Variants in PGPEP1L observed in about 807,000 individuals in gnomAD.
PGPEP1L encodes the protein pyroglutamyl-peptidase 1-like protein.
A neutral mutation model predicts 6.0 loss-of-function variants in PGPEP1L; 7 were observed. The observed-to-expected ratio is 1.17, with a 90% confidence interval of 0.66 to 2.19. The LOEUF is 2.19. Among genes scored for constraint, PGPEP1L ranks in the 30% most tolerant of loss-of-function variants. The pLI is 0.00. For synonymous variants in PGPEP1L, 103 were observed against 83.9 expected (o/e 1.23, Z -1.24); for missense variants, 209 against 192.5 (o/e 1.09, Z -0.51).
Position 99,007,388 on chromosome 15 carries a change from G to C in PGPEP1L, c.-399C>G, listed in dbSNP as rs1222799947. 6.6e-6 allele frequency: 1 copy of C among 152,348 alleles called. No individual in the cohort carries two copies. Among genetic ancestry groups the C allele is most frequent in the Non-Finnish European group, 1.5e-5 (1 of 68,176 alleles). The allele number at this position is 152,348 out of a possible 1,614,324, so 9.4% of individuals were successfully genotyped here. A position where few individuals can be genotyped will look rare whatever the true frequency, so the allele number is the denominator to read the frequency against. On this transcript the variant is annotated 5_prime_UTR_variant, in exon 1 of 5. Coordinates refer to ENST00000535714, the MANE Select transcript of PGPEP1L (RefSeq NM_001167902.2). ...TTCCGTCATGGTGTGTCCAGAATCGGCGGATTCTTGGTCTCACTGACTTCA... is the reference window on the plus strand; with the variant it reads ...TTCCGTCATGGTGTGTCCAGAATCGCCGGATTCTTGGTCTCACTGACTTCA...
rs758817067 is a variant in PGPEP1L, at chr15:98,971,195, G to C, written c.-141-37C>G. 15 of 225,156 alleles carry C rather than the reference G, an allele frequency of 6.7e-5. No individual in the cohort carries two copies. The East Asian group carries it at 2.3e-3, about 34-fold the overall frequency. 13.9% of individuals were successfully genotyped at this position (225,156 alleles called of 1,614,324 possible). On this transcript the variant is annotated intron_variant, in intron 2 of 4. Transcript: ENST00000535714. ...GGCAGGTGGACTTGCCTCAGTTGAT[G>C]GGGGGGGGGGGGGGGTGGGCACCAA... is the stretch of plus-strand genomic sequence containing the variant.
intron 2 of PGPEP1L, among the ~76,000 whole-genome samples, chr15:98,998,581 G>A (rs1230933931): frequency 1.3e-5 from 2 of 152,188 alleles, no homozygotes; most frequent in Non-Finnish European, 2.9e-5. Context: ...AACCAATGGT[G>A]TTAGAACAAT....
rs532170385 is a variant in PGPEP1L at position 99,006,029 on chromosome 15, G to C, written c.-369-373C>G. On this transcript the variant is annotated intron_variant, in intron 1 of 4. Coordinates refer to ENST00000535714, the MANE Select transcript of PGPEP1L (RefSeq NM_001167902.2). ...TGAAAACTAATTCCACAAAATATGT[G>C]AGATGTGAGCAGAAAAAAAAGAGAG... Among the ~76,000 whole-genome samples the C allele has an allele frequency of 1.2e-4, 19 of 152,292 alleles. No homozygotes were observed. In the East Asian group the frequency reaches 3.1e-3, roughly 25 times the overall value.
chr15:98,981,489 C>CAAAAAAAAAAAAA (rs769918543), intron 2 of PGPEP1L, among the ~76,000 whole-genome samples: 4 of 82,124 alleles, frequency 4.9e-5, no homozygotes, highest in African/African-American at 1.4e-4. Flanking sequence ...GACTCCGTCT[C>CAAAAAAAAAAAAA]AAAAAAAAAA....
At chr15:98,970,546 G>GT (rs200823606) in intron 3 of PGPEP1L, among the ~76,000 whole-genome samples, 12 of 143,892 alleles carry the variant, frequency 8.3e-5, no homozygotes, top group Non-Finnish European at 1.2e-4. Flanking sequence ...CTTGTTTGGG[G>GT]TTTTTTTTGG....
At chr15:99,001,767 G>C (rs960108346) in intron 2 of PGPEP1L, among the ~76,000 whole-genome samples, 3 of 152,100 alleles carry the variant, frequency 2.0e-5, no homozygotes, top group Non-Finnish European at 4.4e-5. Flanking sequence ...ACGTAGGCTG[G>C]AGTGCAGTGG....
At chr15:99,002,451 G>A (rs1555473153) in intron 2 of PGPEP1L, among the ~76,000 whole-genome samples, 1 of 152,036 alleles carries the variant, frequency 6.6e-6, no homozygotes, top group Non-Finnish European at 1.5e-5. Flanking sequence ...TCTTGATTGT[G>A]GTGGTGGTGA....
intron 2 of PGPEP1L, among the ~76,000 whole-genome samples, chr15:98,999,154 A>C (rs2017926319): frequency 6.6e-6 from 1 of 152,234 alleles, no homozygotes; most frequent in Non-Finnish European, 1.5e-5. Flanking sequence ...AAGAGGAGGA[A>C]GAGATAAGCT....
At chr15:98,983,795 T>C (rs933863811) in intron 2 of PGPEP1L, among the ~76,000 whole-genome samples, 2 of 152,200 alleles carry the variant, frequency 1.3e-5, no homozygotes, top group South Asian at 4.1e-4. Flanking sequence ...TGTGAACTTT[T>C]AGCATGTATA....
chr15:98,972,865 T>C (rs1390055702), intron 2 of PGPEP1L, among the ~76,000 whole-genome samples: 1 of 90,110 alleles, frequency 1.1e-5, no homozygotes, highest in Admixed American at 2.0e-4. Context: ...AGAGTGAGAC[T>C]CCGTCTCAAA....
chr15:98,984,187 ATT>A (rs1436910996), intron 2 of PGPEP1L, among the ~76,000 whole-genome samples: 2 of 151,668 alleles, frequency 1.3e-5, no homozygotes, highest in Non-Finnish European at 2.9e-5. Context: ...ATTTTTTTGT[ATT>A]TTAGCAGAGA....
chr15:98,976,477 C>G (rs567490470), intron 2 of PGPEP1L, among the ~76,000 whole-genome samples: 13 of 152,272 alleles, frequency 8.5e-5, no homozygotes, highest in African/African-American at 3.1e-4. Flanking sequence ...TTTCTCATAT[C>G]ACAACAATAA....
chr15:98,986,017 C>A (rs2017741716), intron 2 of PGPEP1L, among the ~76,000 whole-genome samples: 1 of 152,202 alleles, frequency 6.6e-6, no homozygotes, highest in African/African-American at 2.4e-5. Context: ...TCCTCAGATG[C>A]CTACAGTGCA....
chr15:99,004,056 T>C (rs868932714), intron 2 of PGPEP1L, among the ~76,000 whole-genome samples: 1 of 147,680 alleles, frequency 6.8e-6, no homozygotes, highest in East Asian at 1.9e-4. Context: ...CAGGAAACCC[T>C]GCCTCTTCAT....
chr15:98,989,959 C>CT (rs1396929032), intron 2 of PGPEP1L, among the ~76,000 whole-genome samples: 1 of 152,190 alleles, frequency 6.6e-6, no homozygotes, highest in African/African-American at 2.4e-5. Context: ...CCAGGCCTGC[C>CT]TTACAAGAGC....
chr15:99,003,447 G>A (rs2018003781), intron 2 of PGPEP1L, among the ~76,000 whole-genome samples: 1 of 151,158 alleles, frequency 6.6e-6, no homozygotes, highest in South Asian at 2.1e-4. Context: ...CTTGCAAACG[G>A]AGCTGGAGAA....
chr15:98,993,960 T>C (rs144360984), intron 2 of PGPEP1L, among the ~76,000 whole-genome samples: 134 of 152,304 alleles, frequency 8.8e-4, no homozygotes, highest in South Asian at 8.3e-4. Context: ...TCCTGTAGAA[T>C]ACAAGGACCT....
chr15:98,983,008 G>A (rs983540665), intron 2 of PGPEP1L, among the ~76,000 whole-genome samples: 11 of 152,060 alleles, frequency 7.2e-5, no homozygotes, highest in African/African-American at 2.7e-4. Context: ...ACCGCACCCA[G>A]CCTGAGGCTT....
intron 2 of PGPEP1L, among the ~76,000 whole-genome samples, chr15:98,972,431 C>G (rs1410926307): frequency 1.3e-5 from 2 of 151,718 alleles, no homozygotes; most frequent in South Asian, 2.1e-4. Flanking sequence ...GAGAAAATCA[C>G]TTAACCACAA....
Sources: allele counts gnomAD v4.1 joint callset (sites outside exome capture counted in the v4.1 genomes callset), GRCh38; gene constraint gnomAD v4.1.1; transcripts MANE v1.5; gene names NCBI Gene and HGNC (gene_info 2026-07-23, HGNC 2026-07-21).